MXRA7: variants seen among roughly 807,000 people sequenced by gnomAD.
The protein encoded by MXRA7 is matrix-remodeling-associated protein 7.
In MXRA7, 18 loss-of-function variants were observed where a neutral mutation model predicts 17.4. The observed-to-expected ratio is 1.03, with a 90% CI of 0.71 to 1.53. The LOEUF (loss-of-function observed/expected upper bound fraction) is 1.53. Among genes scored for constraint, MXRA7 ranks in the 40% most tolerant of loss-of-function variants. The probability of loss-of-function intolerance (pLI) is 0.00; values close to 1 mark genes in which losing one functional copy is unlikely to be tolerated. For missense variants in MXRA7, 141 were observed against 209.3 expected, an observed-to-expected ratio of 0.67 and a Z score of 2.01; for synonymous variants, 70 against 101.7, an observed-to-expected ratio of 0.69 and a Z score of 1.87.
At chr17:76,688,009 T>TCCCCC in intron 2 of MXRA7, 104 bp downstream of exon 2, 3 of 572,780 alleles carry the variant, frequency 5.2e-6, no homozygotes, top group South Asian at 1.7e-5. Context: ...TCCCACCCCA[T>TCCCCC]CCCTCCCCTC....
intron 1 of MXRA7, chr17:76,690,288 T>C (rs367835003): frequency 6.6e-6 from 1 of 152,164 alleles, no homozygotes; most frequent in Admixed American, 6.6e-5. Context: ...TCAGTATAAT[T>C]TGGACTTTCC....
intron 1 of MXRA7, chr17:76,709,795 T>TC (rs2076700201): frequency 6.6e-6 from 1 of 152,444 alleles, no homozygotes; most frequent in South Asian, 2.1e-4. Flanking sequence ...ATGAGGGAAA[T>TC]CCGACTCCTC....
intron 1 of MXRA7, chr17:76,709,720 G>A (rs1214651084): frequency 6.6e-6 from 1 of 152,628 alleles, no homozygotes; most frequent in African/African-American, 2.4e-5. Flanking sequence ...GCGGTGGCCT[G>A]GACCGGCCAA....
chr17:76,674,126 A>G (rs1287210465), exon 4 of MXRA7: 1 of 151,292 alleles, frequency 6.6e-6, no homozygotes, highest in African/African-American at 2.4e-5. Context: ...GGTTCTCTCA[A>G]CCCCCACACC....
chr17:76,704,762 CAA>C lies in MXRA7; in HGVS notation c.342+5841_342+5842del, dbSNP rs1242830024. Among the ~76,000 whole-genome samples the C allele has an allele frequency of 2.3e-4, 26 of 111,272 alleles. No homozygotes were observed. In the Admixed American group the frequency reaches 2.8e-3, roughly 12 times the overall value. The allele number at this position is 111,272 out of a possible 152,430, so 73.0% of individuals were successfully genotyped here. A position where few individuals can be genotyped will look rare whatever the true frequency, so the allele number is the denominator to read the frequency against. ...ATTGCGCCACTGCACTCCTGGGCGA[CAA>C]GAGCAAAACTCCGTCTCAAAAAAAA... On this transcript the variant is annotated intron_variant, in intron 1 of 3. Transcript: ENST00000449428.
rs1487906240 is a variant in MXRA7, at chr17:76,680,648, A to C, written c.*219T>G. 27 of 1,359,316 alleles carry C rather than the reference A, an allele frequency of 2.0e-5. No homozygotes were observed. The highest frequency in any genetic ancestry group is 3.4e-5 in the Admixed American group (1 of 29,312). 84.2% of individuals were successfully genotyped at this position (1,359,316 alleles called of 1,614,324 possible). A position where few individuals can be genotyped will look rare whatever the true frequency, so the allele number is the denominator to read the frequency against. On this transcript the variant is annotated 3_prime_UTR_variant, in exon 4 of 4. Transcript: ENST00000449428. The stretch of plus-strand genomic sequence containing the variant: ...TTAACAAAGTGACCCACAGGAACAG[A>C]CATGAACATCTCTACACAGGGCAGG...
chr17:76,672,967 C>T (rs1200898321), exon 4 of MXRA7: 3 of 152,158 alleles, frequency 2.0e-5, no homozygotes, highest in Admixed American at 6.6e-5. Context: ...GCACTAGACC[C>T]GGAAAGGCAT....
chr17:76,685,152 G>A lies in MXRA7; in HGVS notation c.420C>T (p.Ser140=). 5 of 1,613,918 alleles carry A rather than the reference G, an allele frequency of 3.1e-6. No homozygotes were observed. The highest frequency in any genetic ancestry group is 3.4e-6 in the Non-Finnish European group (4 of 1,179,916). The change falls in exon 3 of 4, where the codon TCC becomes TCT. Residue 140 remains serine, a synonymous_variant. Coordinates refer to ENST00000449428, the MANE Select transcript of MXRA7 (RefSeq NM_198530.4). ...GPEEEDGEGF[S]FKYSPGKLRG... ...TCAGCTTCCCGGGGCTGTATTTGAAGGAGAAGCCTTCTCCTGTGGAGGGGG... is the reference window on the plus strand; with the variant it reads ...TCAGCTTCCCGGGGCTGTATTTGAAAGAGAAGCCTTCTCCTGTGGAGGGGG...
In MXRA7 at chr17:76,688,114, GTCC is replaced by G. The variant is rs749914375; in HGVS notation, c.402_404del (p.Glu134del). 13 of 1,611,144 alleles carry G rather than the reference GTCC, an allele frequency of 8.1e-6. No individual in the cohort carries two copies. Among genetic ancestry groups the G allele is most frequent in the Middle Eastern group, 1.8e-4 (1 of 5,694 alleles). Reference sequence around the variant, plus strand: ...CATGAGCGCAGAGGTCCCACTCACCGTCCTCCTCCTCAGGCCCTTCCGATGATG... The same window carrying G: ...CATGAGCGCAGAGGTCCCACTCACCGTCCTCCTCAGGCCCTTCCGATGATG... On this transcript the variant is annotated inframe_deletion and splice_region_variant, in exon 2 of 4. Coordinates refer to ENST00000449428, the MANE Select transcript of MXRA7 (RefSeq NM_198530.4).
intron 2 of MXRA7, among the ~76,000 whole-genome samples, chr17:76,687,082 C>T (rs962599991): frequency 2.0e-5 from 3 of 152,240 alleles, no homozygotes; most frequent in African/African-American, 7.2e-5. Context: ...ATCCCTTCAG[C>T]TGTCTCAGGC....
downstream of MXRA7, chr17:76,676,643 A>T (rs1055323005): frequency 2.6e-5 from 4 of 152,240 alleles, no homozygotes; most frequent in African/African-American, 9.7e-5. Flanking sequence ...CATGCCTGTA[A>T]TCCCAGCTAC....
chr17:76,683,928 C>A, intron 3 of MXRA7: 1 of 1,613,236 alleles, frequency 6.2e-7, no homozygotes, highest in Non-Finnish European at 8.5e-7. Context: ...CAGCTCAATC[C>A]TGAAATATAA....
At position 76,680,651 on chromosome 17, in the gene MXRA7, T is replaced by C; in HGVS notation, c.*216A>G. 1 of 1,359,600 alleles carries C rather than the reference T, an allele frequency of 7.4e-7. No individual in the cohort carries two copies. Among genetic ancestry groups the C allele is most frequent in the Non-Finnish European group, 9.5e-7 (1 of 1,052,032 alleles). The allele number at this position is 1,359,600 out of a possible 1,614,324, so 84.2% of individuals were successfully genotyped here. A position where few individuals can be genotyped will look rare whatever the true frequency, so the allele number is the denominator to read the frequency against. On this transcript the variant is annotated 3_prime_UTR_variant, in exon 4 of 4. Transcript: ENST00000449428. Reference sequence around the variant, plus strand: ...ACAAAGTGACCCACAGGAACAGACATGAACATCTCTACACAGGGCAGGGCC... The same window carrying C: ...ACAAAGTGACCCACAGGAACAGACACGAACATCTCTACACAGGGCAGGGCC...
chr17:76,677,870 C>G (rs1326765827), downstream of MXRA7, among the ~76,000 whole-genome samples: 2 of 152,202 alleles, frequency 1.3e-5, no homozygotes. Flanking sequence ...AACATCGGAG[C>G]TGGTTGGGTC....
chr17:76,677,780 G>A, downstream of MXRA7: 8 of 1,011,792 alleles, frequency 7.9e-6, no homozygotes, highest in South Asian at 2.5e-5. Flanking sequence ...TGCAGCCGGC[G>A]GAGTTGGGAC....
intron 2 of MXRA7, among the ~76,000 whole-genome samples, chr17:76,686,901 G>A (rs2076405145): frequency 6.6e-6 from 1 of 152,090 alleles, no homozygotes; most frequent in Admixed American, 6.5e-5. Context: ...AGGCGCTGGG[G>A]GTGGGGGATG....
At chr17:76,690,157 T>C (rs901426544) in intron 1 of MXRA7, 1 of 152,076 alleles carries the variant, frequency 6.6e-6, no homozygotes, top group Non-Finnish European at 1.5e-5. Flanking sequence ...AATGCACGCA[T>C]GTGCTCGAAA....
intron 2 of MXRA7, 97 bp downstream of exon 2, chr17:76,688,016 C>CCA: frequency 9.8e-7 from 1 of 1,020,752 alleles, no homozygotes; most frequent in Non-Finnish European, 1.5e-6. Flanking sequence ...CCATCCCTCC[C>CCA]CTCGGCACTC....
At chr17:76,689,483 G>C (rs2076452458) in intron 1 of MXRA7, 1 of 152,240 alleles carries the variant, frequency 6.6e-6, no homozygotes, top group Non-Finnish European at 1.5e-5. Context: ...TGTACACACA[G>C]ACTTAGTGCT....
Sources: allele counts gnomAD v4.1 joint callset (sites outside exome capture counted in the v4.1 genomes callset), GRCh38; gene constraint gnomAD v4.1.1; transcripts MANE v1.5; gene names NCBI Gene and HGNC (gene_info 2026-07-23, HGNC 2026-07-21).